The following RALGPS1 variants were observed in gnomAD, a reference collection of about 807,000 sequenced individuals.
RALGPS1 encodes the protein ras-specific guanine nucleotide-releasing factor RalGPS1.
A neutral mutation model predicts 78.8 loss-of-function variants in RALGPS1; 19 were observed. That is an observed-to-expected ratio of 0.24 (90% CI 0.17 to 0.35). The LOEUF (loss-of-function observed/expected upper bound fraction) is 0.35. RALGPS1 is among the 10% of genes least tolerant of loss of function. RALGPS1 has a pLI of 1.00. For synonymous variants in RALGPS1, 228 were observed against 256.3 expected, an observed-to-expected ratio of 0.89 and a Z score of 1.06; for missense variants, 454 against 688.3, an observed-to-expected ratio of 0.66 and a Z score of 3.81.
intron 4 of RALGPS1, among the ~76,000 whole-genome samples, chr9:127,033,387 G>A (rs1403567488): frequency 1.3e-5 from 2 of 152,096 alleles, no homozygotes; most frequent in Admixed American, 6.5e-5. Context: ...ACTGCTAGTG[G>A]CCAGTTTTGT....
Position 127,212,475 on chromosome 9 carries a change from G to A in RALGPS1, c.1354-152G>A, listed in dbSNP as rs921851543. The A allele has an allele frequency of 3.1e-6, 2 of 649,320 alleles. No homozygotes were observed. Among genetic ancestry groups the A allele is most frequent in the African/African-American group, 3.7e-5 (2 of 54,590 alleles). The allele number at this position is 649,320 out of a possible 1,614,324, so 40.2% of individuals were successfully genotyped here. A position where few individuals can be genotyped will look rare whatever the true frequency, so the allele number is the denominator to read the frequency against. On this transcript the variant is annotated intron_variant, in intron 15 of 18. Coordinates refer to ENST00000259351, the MANE Select transcript of RALGPS1 (RefSeq NM_014636.3). This position sits in a 1 kb window ranked among gnomAD's most constrained non-coding sequence, Gnocchi z 6.0. ...AAGACGCCTCCTGTCTTGGTCCTAG[G>A]TGGAAGTTGGCATTGCCAGGGGGTG... is the stretch of plus-strand genomic sequence containing the variant.
intron 8 of RALGPS1, among the ~76,000 whole-genome samples, chr9:127,145,632 C>G (rs1332095973): frequency 6.6e-6 from 1 of 152,204 alleles, no homozygotes; most frequent in Non-Finnish European, 1.5e-5. Flanking sequence ...CACAGCAAGC[C>G]TTTTGCTCCG....
chr9:126,998,492 G>A (rs113551523), intron 4 of RALGPS1, among the ~76,000 whole-genome samples: 1 of 152,164 alleles, frequency 6.6e-6, no homozygotes, highest in Non-Finnish European at 1.5e-5. Flanking sequence ...AGTTAGAATG[G>A]CAATCATTAA....
In RALGPS1 at chr9:127,069,611, C is replaced by G; in HGVS notation, c.610+255C>G. On this transcript the variant is annotated intron_variant, in intron 8 of 18. Transcript: ENST00000259351. ...GGCCCCAGGGTTCCCCAGGCTGCAGCCCAGATGGGTCACAATGAGAGTGAT... is the reference window on the plus strand; with the variant it reads ...GGCCCCAGGGTTCCCCAGGCTGCAGGCCAGATGGGTCACAATGAGAGTGAT... 7.6e-6 allele frequency: 3 copies of G among 394,232 alleles called. No homozygotes were observed. In the South Asian group the frequency reaches 8.5e-5, roughly 11 times the overall value. The allele number at this position is 394,232 out of a possible 1,614,324, so 24.4% of individuals were successfully genotyped here.
At chr9:127,152,782 C>T (rs1251465613) in intron 8 of RALGPS1, among the ~76,000 whole-genome samples, 1 of 152,182 alleles carries the variant, frequency 6.6e-6, no homozygotes, top group Non-Finnish European at 1.5e-5. Flanking sequence ...TGGAAGGTTT[C>T]CAGAAACTGG....
chr9:127,000,055 C>T (rs530043179), intron 4 of RALGPS1, among the ~76,000 whole-genome samples: 3 of 152,144 alleles, frequency 2.0e-5, no homozygotes, highest in Admixed American at 6.5e-5. Context: ...TCATGATGTC[C>T]CCTGCTCTCA....
intron 14 of RALGPS1, among the ~76,000 whole-genome samples, chr9:127,203,171 G>A (rs961913371): frequency 6.6e-6 from 1 of 152,114 alleles, no homozygotes; most frequent in African/African-American, 2.4e-5. Flanking sequence ...GGATTGTAGC[G>A]GCGATCATGT....
intron 8 of RALGPS1, among the ~76,000 whole-genome samples, chr9:127,118,709 A>T (rs923208408): frequency 3.3e-5 from 5 of 152,070 alleles, no homozygotes; most frequent in African/African-American, 1.2e-4. Flanking sequence ...GTGATTATTT[A>T]CTGTCTGCCC....
chr9:127,135,408 A>G (rs1437371246), intron 8 of RALGPS1, among the ~76,000 whole-genome samples: 1 of 152,194 alleles, frequency 6.6e-6, no homozygotes, highest in Non-Finnish European at 1.5e-5. Flanking sequence ...GGCTGGAGCT[A>G]TGGCTAGCCA....
intron 1 of RALGPS1, among the ~76,000 whole-genome samples, chr9:126,939,677 T>C (rs1224956724): frequency 1.3e-5 from 2 of 152,250 alleles, no homozygotes; most frequent in Non-Finnish European, 2.9e-5. Flanking sequence ...CCCAGGACAG[T>C]TGGACTTCCA....
chr9:127,210,598 T>G, intron 14 of RALGPS1: 44 of 903,616 alleles, frequency 4.9e-5, no homozygotes, highest in Non-Finnish European at 6.4e-5. Flanking sequence ...CGGGACTTCC[T>G]GAGCTAATTG....
At chr9:127,002,384 T>G (rs1268920557) in intron 4 of RALGPS1, among the ~76,000 whole-genome samples, 2 of 152,050 alleles carry the variant, frequency 1.3e-5, no homozygotes, top group Non-Finnish European at 2.9e-5. Context: ...TGATGGATAT[T>G]TTGGGTTTCT....
At chr9:127,098,736 C>T (rs2053419172) in intron 8 of RALGPS1, among the ~76,000 whole-genome samples, 2 of 152,158 alleles carry the variant, frequency 1.3e-5, no homozygotes, top group South Asian at 4.1e-4. Context: ...GAAACCAGGA[C>T]CCACTTGATT....
intron 1 of RALGPS1, among the ~76,000 whole-genome samples, chr9:126,932,989 T>C (rs1019057940): frequency 6.6e-6 from 1 of 152,036 alleles, no homozygotes; most frequent in Non-Finnish European, 1.5e-5. Context: ...TAGGGTTGCT[T>C]TCCTTGTTGT....
chr9:127,121,034 C>A (rs2056025860), intron 8 of RALGPS1, among the ~76,000 whole-genome samples: 1 of 152,156 alleles, frequency 6.6e-6, no homozygotes, highest in Admixed American at 6.5e-5. Context: ...AGCCACACCA[C>A]TGGGTTCAAG....
At chr9:127,155,627 G>A (rs2058667285) in intron 8 of RALGPS1, among the ~76,000 whole-genome samples, 1 of 152,222 alleles carries the variant, frequency 6.6e-6, no homozygotes, top group Non-Finnish European at 1.5e-5. Flanking sequence ...GTATTTTTAA[G>A]TAGGTGAGGG....
chr9:127,208,587 G>A (rs766721860), intron 14 of RALGPS1, among the ~76,000 whole-genome samples: 2 of 152,112 alleles, frequency 1.3e-5, no homozygotes, highest in Middle Eastern at 3.2e-3. Context: ...GTGGCAGCGC[G>A]AGTGCACTCG....
At chr9:127,155,391 G>A (rs1015286273) in intron 8 of RALGPS1, among the ~76,000 whole-genome samples, 1 of 152,168 alleles carries the variant, frequency 6.6e-6, no homozygotes, top group South Asian at 2.1e-4. Context: ...TTAGCAGCCA[G>A]GAAGGAGAAG....
chr9:127,153,815 G>A (rs1195095968), intron 8 of RALGPS1, among the ~76,000 whole-genome samples: 1 of 152,220 alleles, frequency 6.6e-6, no homozygotes, highest in Non-Finnish European at 1.5e-5. Flanking sequence ...TGTAGCAGAA[G>A]GGGAAGTCAG....
Sources: gnomAD v4.1 joint callset for allele counts (sites outside exome capture counted in the v4.1 genomes callset) on GRCh38, gnomAD v4.1.1 for gene constraint, Gnocchi (gnomAD v3.1) non-coding constraint, MANE v1.5 for transcripts, NCBI Gene and HGNC (gene_info 2026-07-23, HGNC 2026-07-21) for gene names.